MAPK10: variants seen among roughly 807,000 people sequenced by gnomAD.
MAPK10 encodes mitogen-activated protein kinase 10.
In MAPK10, 25 loss-of-function variants were observed where a neutral mutation model predicts 59.3. The ratio of observed to expected loss-of-function variants is 0.42; its 90% confidence interval spans 0.31 to 0.59. MAPK10 has a LOEUF of 0.59. Ranked by LOEUF, MAPK10 falls within the 20% of genes least tolerant of loss-of-function variation. The pLI is 0.15. For missense variants in MAPK10, 351 were observed against 568.9 expected, an observed-to-expected ratio of 0.62 and a Z score of 3.90; for synonymous variants, 190 against 200.5, an observed-to-expected ratio of 0.95 and a Z score of 0.44.
chr4:86,241,348 T>G (rs2092709891), intron 2 of MAPK10, among the ~76,000 whole-genome samples: 2 of 151,960 alleles, frequency 1.3e-5, no homozygotes, highest in Admixed American at 6.6e-5. Context: ...ATCTTAATGG[T>G]GTTTGCTGAA....
rs530152757 is a variant in MAPK10, at chr4:86,168,986, G to A, written c.67-9519C>T. On this transcript the variant is annotated intron_variant, in intron 3 of 13. Coordinates refer to ENST00000641462, the MANE Select transcript of MAPK10 (RefSeq NM_138982.4). The stretch of plus-strand genomic sequence containing the variant: ...AGTGGACCTCTAGCAAACTCCAACA[G>A]ACCTGCAGCTGAGGGTCCTGTCTGT... 3.9e-5 allele frequency among the ~76,000 whole-genome samples: 6 copies of A among 152,260 alleles called. No homozygotes were observed. In the East Asian group the frequency reaches 1.2e-3, roughly 29 times the overall value.
intron 9 of MAPK10, among the ~76,000 whole-genome samples, chr4:86,089,790 G>C (rs1376240020): frequency 1.3e-5 from 2 of 152,140 alleles, no homozygotes; most frequent in Non-Finnish European, 2.9e-5. Flanking sequence ...TGAAAAGCCA[G>C]TTCAAGAATG....
At chr4:86,186,437 C>A (rs2078251549) in intron 3 of MAPK10, among the ~76,000 whole-genome samples, 1 of 152,102 alleles carries the variant, frequency 6.6e-6, no homozygotes, top group South Asian at 2.1e-4. Context: ...AAAATCTATG[C>A]TCAAGGAAAG....
At chr4:86,486,567 A>T (rs748832599) in intron 1 of MAPK10, among the ~76,000 whole-genome samples, 9 of 152,198 alleles carry the variant, frequency 5.9e-5, no homozygotes, top group Non-Finnish European at 8.8e-5. Flanking sequence ...GAATAATGTG[A>T]TTATGTTCTT....
intron 2 of MAPK10, among the ~76,000 whole-genome samples, chr4:86,347,260 T>C (rs1370537263): frequency 1.3e-5 from 2 of 152,352 alleles, no homozygotes; most frequent in East Asian, 1.9e-4. Context: ...CAATTTTTCA[T>C]TAAAATCTCA....
chr4:86,265,295 G>T (rs1365309387), intron 2 of MAPK10, among the ~76,000 whole-genome samples: 1 of 151,964 alleles, frequency 6.6e-6, no homozygotes, highest in South Asian at 2.1e-4. Flanking sequence ...TATCACTTGA[G>T]GTCAGGAGTT....
At chr4:86,555,473 G>GT (rs1288419390) in intron 1 of MAPK10, among the ~76,000 whole-genome samples, 1 of 152,072 alleles carries the variant, frequency 6.6e-6, no homozygotes, top group Non-Finnish European at 1.5e-5. Flanking sequence ...GGGATTATAG[G>GT]TTTTTTTATT....
intron 9 of MAPK10, among the ~76,000 whole-genome samples, chr4:86,082,654 G>A (rs569462779): frequency 3.3e-5 from 5 of 152,136 alleles, no homozygotes; most frequent in Non-Finnish European, 5.9e-5. Flanking sequence ...AGAACCTGAA[G>A]GCAAAGGGTA....
At chr4:86,190,887 T>G (rs1374822919) in intron 3 of MAPK10, among the ~76,000 whole-genome samples, 2 of 152,224 alleles carry the variant, frequency 1.3e-5, no homozygotes, top group African/African-American at 2.4e-5. Context: ...CATTTAGTGC[T>G]ATAAATTTCC....
At chr4:86,359,048 A>G (rs1735906016) in intron 1 of MAPK10, among the ~76,000 whole-genome samples, 1 of 152,094 alleles carries the variant, frequency 6.6e-6, no homozygotes, top group Admixed American at 6.6e-5. Flanking sequence ...GCTCTGCAAG[A>G]GTAACGCCAA....
chr4:86,592,849 A>G (rs551101472), intron 1 of MAPK10, among the ~76,000 whole-genome samples: 1 of 152,318 alleles, frequency 6.6e-6, no homozygotes, highest in South Asian at 2.1e-4. Flanking sequence ...CATTTTACAT[A>G]GCAAACTTTC....
intron 2 of MAPK10, among the ~76,000 whole-genome samples, chr4:86,214,185 C>T (rs1166435522): frequency 1.3e-5 from 2 of 152,170 alleles, no homozygotes; most frequent in South Asian, 4.1e-4. Context: ...AACACCCTTT[C>T]ATGATTTTAA....
At chr4:86,202,877 C>T (rs563565501) in intron 2 of MAPK10, among the ~76,000 whole-genome samples, 2 of 152,080 alleles carry the variant, frequency 1.3e-5, no homozygotes, top group African/African-American at 4.8e-5. Context: ...CACTGCGTAA[C>T]CTTCTTGTTC....
chr4:86,140,582 T>C (rs2063418708), intron 4 of MAPK10, among the ~76,000 whole-genome samples: 1 of 149,046 alleles, frequency 6.7e-6, no homozygotes, highest in Non-Finnish European at 1.5e-5. Flanking sequence ...TACCCAATGC[T>C]AGATGACGAG....
intron 1 of MAPK10, among the ~76,000 whole-genome samples, chr4:86,529,884 T>C (rs1188907298): frequency 1.3e-5 from 2 of 152,158 alleles, no homozygotes; most frequent in Non-Finnish European, 2.9e-5. Context: ...TGACACCCTA[T>C]AATGTTTGTC....
intron 1 of MAPK10, among the ~76,000 whole-genome samples, chr4:86,448,265 C>T (rs185742855): frequency 1.2e-3 from 189 of 152,170 alleles, no homozygotes; most frequent in African/African-American, 4.4e-3. Flanking sequence ...GTAGCATATA[C>T]ATATTAATAT....
At chr4:86,312,778 G>A (rs1363328417) in intron 2 of MAPK10, among the ~76,000 whole-genome samples, 1 of 152,064 alleles carries the variant, frequency 6.6e-6, no homozygotes, top group East Asian at 1.9e-4. Flanking sequence ...CGACCAGACA[G>A]GAAATTGATT....
At chr4:86,144,253 A>G (rs1234517644) in intron 4 of MAPK10, among the ~76,000 whole-genome samples, 1 of 152,162 alleles carries the variant, frequency 6.6e-6, no homozygotes, top group Non-Finnish European at 1.5e-5. Flanking sequence ...TAATACAGTT[A>G]TTTTAAAGTA....
chr4:86,477,718 C>G (rs994303484), intron 1 of MAPK10, among the ~76,000 whole-genome samples: 1 of 152,204 alleles, frequency 6.6e-6, no homozygotes, highest in Admixed American at 6.5e-5. Context: ...CAGGTTAGTT[C>G]AGGATCTGCA....
Sources: allele counts gnomAD v4.1 joint callset (sites outside exome capture counted in the v4.1 genomes callset), GRCh38; gene constraint gnomAD v4.1.1; transcripts MANE v1.5; gene names NCBI Gene and HGNC (gene_info 2026-07-23, HGNC 2026-07-21).